Variants in FBH1 observed in about 807,000 individuals in gnomAD.
FBH1 encodes the protein DNA 3'-5' helicase 1.
Under a neutral mutation model 115.5 loss-of-function variants are expected in FBH1, and 43 were observed. The observed-to-expected ratio is 0.37, with a 90% CI of 0.29 to 0.48. The LOEUF (loss-of-function observed/expected upper bound fraction) is 0.48, where lower values mean the gene tolerates loss of function less well. Ranked by LOEUF, FBH1 falls within the 20% of genes least tolerant of loss-of-function variation. The pLI, the probability that FBH1 is intolerant of heterozygous loss-of-function variation, is 0.99. For synonymous variants in FBH1, 524 were observed against 507.8 expected, an observed-to-expected ratio of 1.03 and a Z score of -0.43; for missense variants, 1,001 against 1,337.3, an observed-to-expected ratio of 0.75 and a Z score of 3.92.
At position 5,912,619 on chromosome 10, in the gene FBH1, T is replaced by C. The variant is rs183550010; in HGVS notation, c.1212-1128T>C. On this transcript the variant is annotated intron_variant, in intron 6 of 20. Coordinates refer to ENST00000362091, the MANE Select transcript of FBH1 (RefSeq NM_178150.3). The stretch of plus-strand genomic sequence containing the variant: ...TGGTGGCCAGGCATCGGTGGCAAGG[T>C]ACCAGGAGGGGACAGGATTCCCCAG... 4.7e-3 allele frequency among the ~76,000 whole-genome samples: 708 copies of C among 152,128 alleles called. 3 individuals are homozygous for C. The highest frequency in any genetic ancestry group is 0.015 in the African/African-American group (616 of 41,506).
rs1355427490 is a variant in FBH1, at chr10:5,909,465, G to A, written c.1020+171G>A. 9.5e-6 allele frequency: 7 copies of A among 735,032 alleles called. No individual in the cohort carries two copies. The highest frequency in any genetic ancestry group is 1.3e-5 in the Non-Finnish European group (6 of 473,104). The allele number at this position is 735,032 out of a possible 1,614,324, so 45.5% of individuals were successfully genotyped here. A position where few individuals can be genotyped will look rare whatever the true frequency, so the allele number is the denominator to read the frequency against. ...ATTGTCCCCAGTGGAGAAATAAAAG[G>A]CCATATAATTGTAGAGTCTTAGATG... is the stretch of plus-strand genomic sequence containing the variant. On this transcript the variant is annotated intron_variant, in intron 5 of 20. Coordinates refer to ENST00000362091, the MANE Select transcript of FBH1 (RefSeq NM_178150.3). The surrounding 1 kb of genome is among the most constrained non-coding windows in gnomAD (Gnocchi z 4.4).
At chr10:5,929,158 G>A (rs1832828009) in intron 19 of FBH1, among the ~76,000 whole-genome samples, 2 of 152,190 alleles carry the variant, frequency 1.3e-5, no homozygotes, top group Admixed American at 6.5e-5. Context: ...AGTGGGCAGG[G>A]AAATTCCTGC....
At position 5,933,116 on chromosome 10, in the gene FBH1, A is replaced by C. The variant is rs1833056157; in HGVS notation, c.2830-3340A>C. ...CATAAGAGTGAAATAGGCCCGGCGC[A>C]GTAGCTCACACCTGTAATCCCAGTA... On this transcript the variant is annotated intron_variant, in intron 19 of 20. Transcript: ENST00000362091. This position sits in a 1 kb window ranked among gnomAD's most constrained non-coding sequence, Gnocchi z 4.9. 6.6e-6 allele frequency among the ~76,000 whole-genome samples: 1 copy of C among 152,178 alleles called. No homozygotes were observed. The highest frequency in any genetic ancestry group is 6.5e-5 in the Admixed American group (1 of 15,276).
intron 13 of FBH1, among the ~76,000 whole-genome samples, chr10:5,919,882 C>T (rs1164063974): frequency 6.6e-6 from 1 of 152,084 alleles, no homozygotes; most frequent in African/African-American, 2.4e-5. Flanking sequence ...AGGAGAGTTC[C>T]CATATATCCT....
At chr10:5,902,750 A>G (rs1391911282) in intron 1 of FBH1, among the ~76,000 whole-genome samples, 3 of 152,100 alleles carry the variant, frequency 2.0e-5, no homozygotes, top group African/African-American at 7.2e-5. Flanking sequence ...TTAAATGAGC[A>G]TTTCATGACC....
At chr10:5,908,820 A>G in intron 3 of FBH1, 105 bp from the exon 4 acceptor site, 3 of 1,284,758 alleles carry the variant, frequency 2.3e-6, no homozygotes, top group Non-Finnish European at 3.3e-6. Context: ...CATGTTGGCC[A>G]TGCTAGTCTC....
intron 1 of FBH1, among the ~76,000 whole-genome samples, chr10:5,901,560 TTC>T (rs1439052402): frequency 6.6e-6 from 1 of 151,644 alleles, no homozygotes; most frequent in East Asian, 1.9e-4. Flanking sequence ...ATTCTTTTTT[TTC>T]TTTTTCTTTT....
intron 1 of FBH1, among the ~76,000 whole-genome samples, chr10:5,893,677 G>C (rs747768047): frequency 3.9e-5 from 6 of 152,128 alleles, no homozygotes; most frequent in Non-Finnish European, 5.9e-5. Flanking sequence ...CTTCATGCAT[G>C]CATTTATGTA....
Position 5,909,288 on chromosome 10 carries a change from T to C in FBH1, c.1014T>C (p.Ala338=). Residue 338 remains alanine (A), a synonymous_variant, in exon 5 of 21, where the codon GCT becomes GCC. Coordinates refer to ENST00000362091, the MANE Select transcript of FBH1 (RefSeq NM_178150.3). The surrounding 1 kb of genome is among the most constrained non-coding windows in gnomAD (Gnocchi z 4.4). ...AACACCTCCCCGACCTCTACGCTGC[T>C]GCCGGGGTAGGTCTGGAGGCTGCGG... The part of the protein sequence containing the change: ...VRQHLPDLYA[A]AGGVNIWALV... 1 of 1,609,664 alleles carries C rather than the reference T, an allele frequency of 6.2e-7. No homozygotes were observed. Among genetic ancestry groups the C allele is most frequent in the Non-Finnish European group, 8.5e-7 (1 of 1,179,892 alleles).
chr10:5,902,976 A>C, intron 1 of FBH1, 44 bp from the exon 2 acceptor site: 1 of 1,544,040 alleles, frequency 6.5e-7, no homozygotes, highest in South Asian at 1.2e-5. Flanking sequence ...AATCGGTGAT[A>C]ACTAATGAAT....
In FBH1 at chr10:5,923,416, G is replaced by A. The variant is rs533635580; in HGVS notation, c.2323-205G>A. 2.6e-5 allele frequency among the ~76,000 whole-genome samples: 4 copies of A among 152,274 alleles called. No homozygotes were observed. Among genetic ancestry groups the A allele is most frequent in the African/African-American group, 7.2e-5 (3 of 41,550 alleles). ...TGGTCCCTGTGAGTGTTCAGGCCAC[G>A]TGGCAGCCTTGCGCTTTCTGCTTCA... On this transcript the variant is annotated intron_variant, in intron 15 of 20. Coordinates refer to ENST00000362091, the MANE Select transcript of FBH1 (RefSeq NM_178150.3). The surrounding 1 kb of genome is among the most constrained non-coding windows in gnomAD (Gnocchi z 5.7).
Position 5,923,688 on chromosome 10 carries a change from G to A in FBH1, c.2390G>A (p.Arg797Gln), listed in dbSNP as rs1442907395. 3.1e-6 allele frequency: 5 copies of A among 1,613,936 alleles called. No individual in the cohort carries two copies. The highest frequency in any genetic ancestry group is 2.2e-5 in the East Asian group (1 of 44,900). ...IWILLQPEEE[R>Q]RKQNLVIKDK... Reference sequence around the variant, plus strand: ...ATCCTTCTTCAGCCAGAGGAAGAACGGAGGAAACGTGAGTACCCACCTGGC... The same window carrying A: ...ATCCTTCTTCAGCCAGAGGAAGAACAGAGGAAACGTGAGTACCCACCTGGC... The change falls in exon 16 of 21, where the codon CGG becomes CAG. Residue 797 changes from arginine (R) to glutamine (Q), a missense_variant. This residue lies in a region of FBH1 where 521 missense variants were observed against 811.0 expected (regional missense o/e 0.64). Transcript: ENST00000362091. The surrounding 1 kb of genome is among the most constrained non-coding windows in gnomAD (Gnocchi z 5.7).
chr10:5,896,449 A>G (rs1843008430), intron 1 of FBH1, among the ~76,000 whole-genome samples: 1 of 152,174 alleles, frequency 6.6e-6, no homozygotes, highest in African/African-American at 2.4e-5. Flanking sequence ...GAGAAGTCAC[A>G]CTGTTAGAAA....
chr10:5,914,911 C>A lies in FBH1; in HGVS notation c.1397-492C>A, dbSNP rs186487961. Among the ~76,000 whole-genome samples the A allele has an allele frequency of 6.6e-6, 1 of 152,240 alleles. No individual in the cohort carries two copies. The highest frequency in any genetic ancestry group is 6.5e-5 in the Admixed American group (1 of 15,300). ...CATTGTGCTGATCCTGATAGCATTC[C>A]GTAAGGTTGCTTAGTTATTCTTGTT... On this transcript the variant is annotated intron_variant, in intron 8 of 20. Coordinates refer to ENST00000362091, the MANE Select transcript of FBH1 (RefSeq NM_178150.3). The surrounding 1 kb of genome is among the most constrained non-coding windows in gnomAD (Gnocchi z 5.2).
chr10:5,925,681 C>A lies in FBH1; in HGVS notation c.2722+189C>A, dbSNP rs1832603909. On this transcript the variant is annotated intron_variant, in intron 18 of 20. Transcript: ENST00000362091. This position sits in a 1 kb window ranked among gnomAD's most constrained non-coding sequence, Gnocchi z 4.6. ...TCTTATACTGTGGTTTTTTAAAAAA[C>A]AAAACTTCCTCAAGGTGCACCCCTC... Among the ~76,000 whole-genome samples the A allele has an allele frequency of 6.6e-6, 1 of 152,118 alleles. No individual in the cohort carries two copies. The highest frequency in any genetic ancestry group is 1.5e-5 in the Non-Finnish European group (1 of 68,016).
rs1236088581 is a variant in FBH1 at position 5,923,696 on chromosome 10, C to T, written c.2398C>T (p.Gln800Ter). ...TCAGCCAGAGGAAGAACGGAGGAAA[C>T]GTGAGTACCCACCTGGCCTTGGTGC... ...LLQPEEERRK[Q>*]NLVIKDKFIR... is the part of the protein sequence containing the mutation. Residue 800 changes from glutamine to a stop codon, truncating the protein, a stop_gained and splice_region_variant, in exon 16 of 21, where the codon CAA (glutamine) becomes TAA (stop). Transcript: ENST00000362091. LOFTEE classifies it high-confidence loss of function. The surrounding 1 kb of genome is among the most constrained non-coding windows in gnomAD (Gnocchi z 5.7). 2 of 1,613,702 alleles carry T rather than the reference C, an allele frequency of 1.2e-6. No individual in the cohort carries two copies. Among genetic ancestry groups the T allele is most frequent in the Admixed American group, 1.7e-5 (1 of 60,008 alleles).
rs1833101590 is a variant in FBH1, at chr10:5,933,611, AAGAC to A, written c.2830-2844_2830-2841del. 6.6e-6 allele frequency among the ~76,000 whole-genome samples: 1 copy of A among 151,764 alleles called. No individual in the cohort carries two copies. The highest frequency in any genetic ancestry group is 1.5e-5 in the Non-Finnish European group (1 of 67,992). On this transcript the variant is annotated intron_variant, in intron 19 of 20. Coordinates refer to ENST00000362091, the MANE Select transcript of FBH1 (RefSeq NM_178150.3). This position sits in a 1 kb window ranked among gnomAD's most constrained non-coding sequence, Gnocchi z 4.9. ...GTGGGAACAGATTTTTTAAGGCTGT[AAGAC>A]CTTGTTAGAAGTGGAGGCACTCTGC... is the stretch of plus-strand genomic sequence containing the variant.
At position 5,900,051 on chromosome 10, in the gene FBH1, C is replaced by T. The variant is rs1843244324; in HGVS notation, c.2-2969C>T. Among the ~76,000 whole-genome samples the T allele has an allele frequency of 6.6e-6, 1 of 152,160 alleles. No homozygotes were observed. The highest frequency in any genetic ancestry group is 6.5e-5 in the Admixed American group (1 of 15,284). On this transcript the variant is annotated intron_variant, in intron 1 of 20. Transcript: ENST00000362091. The surrounding 1 kb of genome is among the most constrained non-coding windows in gnomAD (Gnocchi z 4.2). ...TGGAGGGGGTGTTTGCTTTTCTGTT[C>T]ATAATAAGCGAGACATGTTACTGGT...
At chr10:5,891,074 G>C in intron 1 of FBH1, 1 of 841,488 alleles carries the variant, frequency 1.2e-6, no homozygotes, top group Non-Finnish European at 1.4e-6. Context: ...AGGTGGGGAA[G>C]TGGAGGCCTA....
Sources: gnomAD v4.1 joint callset for allele counts (sites outside exome capture counted in the v4.1 genomes callset) on GRCh38, gnomAD v4.1.1 for gene constraint, gnomAD v4.1.1 regional missense constraint, Gnocchi (gnomAD v3.1) non-coding constraint, MANE v1.5 for transcripts, NCBI Gene and HGNC (gene_info 2026-07-23, HGNC 2026-07-21) for gene names.